Variants in SYN3 observed in about 807,000 individuals in gnomAD.
SYN3 encodes the protein synapsin-3.
Under a neutral mutation model 65.8 loss-of-function variants are expected in SYN3, and 35 were observed. The observed-to-expected ratio is 0.53, with a 90% CI of 0.41 to 0.70. The LOEUF (loss-of-function observed/expected upper bound fraction) is 0.70. Among genes scored for constraint, SYN3 ranks in the 30% least tolerant of loss-of-function variants. SYN3 has a pLI of 0.00. For missense variants in SYN3, 680 were observed against 749.0 expected (o/e 0.91, Z 1.08); for synonymous variants, 270 against 292.9 (o/e 0.92, Z 0.80).
At chr22:32,777,961 TCA>T (rs983201554) in intron 6 of SYN3, among the ~76,000 whole-genome samples, 1 of 152,158 alleles carries the variant, frequency 6.6e-6, no homozygotes, top group African/African-American at 2.4e-5. Flanking sequence ...ATCCTGCGTC[TCA>T]GAGGTATGTG....
rs1190319833 is a variant in SYN3 at position 32,615,432 on chromosome 22, T to TAAAAA, written c.712-18701_712-18697dup. On this transcript the variant is annotated intron_variant, in intron 6 of 13. Coordinates refer to ENST00000358763, the MANE Select transcript of SYN3 (RefSeq NM_003490.4). ...CTGGGCGTCAGAGCAAGACTTCATC[T>TAAAAA]AAAAAAAAAAAAAAAAAAAGAAAAA... Among the ~76,000 whole-genome samples, 32 of 74,398 alleles carry TAAAAA rather than the reference T, an allele frequency of 4.3e-4. 4 individuals carry two copies. The highest frequency in any genetic ancestry group is 1.1e-3 in the East Asian group (3 of 2,812). 48.8% of individuals were successfully genotyped at this position (74,398 alleles called of 152,430 possible). A position where few individuals can be genotyped will look rare whatever the true frequency, so the allele number is the denominator to read the frequency against.
chr22:32,986,396 G>A (rs1007883277), intron 2 of SYN3, among the ~76,000 whole-genome samples: 21 of 152,294 alleles, frequency 1.4e-4, no homozygotes, highest in African/African-American at 4.6e-4. Flanking sequence ...CTTCCCAGGA[G>A]AAACATTTGT....
chr22:32,815,894 TTCTGTGG>T (rs2047077241), intron 6 of SYN3, among the ~76,000 whole-genome samples: 1 of 152,188 alleles, frequency 6.6e-6, no homozygotes, highest in Admixed American at 6.5e-5. Context: ...GGTGTGTCTG[TTCTGTGG>T]TCTGTGGTCT....
At chr22:32,693,325 C>T (rs1038387344) in intron 6 of SYN3, among the ~76,000 whole-genome samples, 5 of 152,060 alleles carry the variant, frequency 3.3e-5, no homozygotes, top group Admixed American at 2.6e-4. Context: ...GTGTAGAGAG[C>T]GTGGGTACAG....
At chr22:32,715,192 A>G (rs1340872471) in intron 6 of SYN3, among the ~76,000 whole-genome samples, 6 of 152,246 alleles carry the variant, frequency 3.9e-5, no homozygotes, top group African/African-American at 7.2e-5. Context: ...AATAAATACT[A>G]TCACCCTGGC....
intron 3 of SYN3, among the ~76,000 whole-genome samples, chr22:32,934,027 G>A (rs2050708000): frequency 1.3e-5 from 2 of 152,264 alleles, no homozygotes; most frequent in East Asian, 1.9e-4. Flanking sequence ...GTGGCAAGGC[G>A]AAAAGATCAC....
intron 4 of SYN3, among the ~76,000 whole-genome samples, chr22:32,918,267 G>C: frequency 6.6e-6 from 1 of 152,214 alleles, no homozygotes; most frequent in African/African-American, 2.4e-5. Flanking sequence ...GTTCAGTCCA[G>C]GGGGAGACGG....
intron 6 of SYN3, among the ~76,000 whole-genome samples, chr22:32,661,261 C>T (rs1361122300): frequency 1.3e-5 from 2 of 152,260 alleles, no homozygotes; most frequent in African/African-American, 4.8e-5. Context: ...CTGCCTAGCA[C>T]CTCCACCTTC....
At chr22:32,943,424 C>A (rs1434432695) in intron 3 of SYN3, among the ~76,000 whole-genome samples, 1 of 152,094 alleles carries the variant, frequency 6.6e-6, no homozygotes, top group Non-Finnish European at 1.5e-5. Context: ...TCAGGCCTGC[C>A]CTACAAGAGC....
rs1245045802 is a variant in SYN3 at position 32,518,145 on chromosome 22, C to T, written c.1508G>A (p.Gly503Asp). 2 of 1,610,582 alleles carry T rather than the reference C, an allele frequency of 1.2e-6. No homozygotes were observed. Among genetic ancestry groups the T allele is most frequent in the African/African-American group, 1.3e-5 (1 of 74,968 alleles). ...CCGGGGCTGTGAGGCGAGGGTGGCA[C>T]CTGGCTTGGAGGCCTGGTTTGGGGA... ...GSSPNQASKP[G>D]ATLASQPRPP... is the part of the protein sequence containing the mutation. Residue 503 changes from glycine (G) to aspartate (D), a missense_variant, in exon 13 of 14, where the codon GGT (glycine) becomes GAT (aspartate). Physicochemically the swap from Gly to Asp is moderately conservative, Grantham distance 94. Transcript: ENST00000358763.
intron 2 of SYN3, among the ~76,000 whole-genome samples, chr22:32,984,605 G>C (rs546201662): frequency 1.3e-5 from 2 of 152,210 alleles, no homozygotes; most frequent in African/African-American, 4.8e-5. Flanking sequence ...TGGCCTAAGA[G>C]TGCAATTTGT....
chr22:32,686,956 T>C (rs1324178612), intron 6 of SYN3, among the ~76,000 whole-genome samples: 3 of 151,932 alleles, frequency 2.0e-5, no homozygotes, highest in Non-Finnish European at 2.9e-5. Flanking sequence ...CAACTAAATA[T>C]CAGCAGAGCT....
At chr22:32,933,730 G>A (rs908500971) in intron 3 of SYN3, among the ~76,000 whole-genome samples, 3 of 152,096 alleles carry the variant, frequency 2.0e-5, no homozygotes, top group Admixed American at 6.5e-5. Context: ...GAGCCACCAC[G>A]CTCAGCTGGC....
Position 32,772,134 on chromosome 22 carries a change from G to T in SYN3, c.711+92781C>A, listed in dbSNP as rs571848677. Among the ~76,000 whole-genome samples the T allele has an allele frequency of 1.5e-4, 23 of 152,288 alleles. 1 individual carries two copies. In the South Asian group the frequency reaches 4.1e-3, roughly 27 times the overall value. On this transcript the variant is annotated intron_variant, in intron 6 of 13. Transcript: ENST00000358763. ...ATTGGAAAATAGACCTTTTCTGCTA[G>T]AAACTTCCCTCATTCTTTCTGTCCC...
intron 4 of SYN3, among the ~76,000 whole-genome samples, chr22:32,930,187 C>T (rs2050587629): frequency 6.6e-6 from 1 of 152,126 alleles, no homozygotes; most frequent in African/African-American, 2.4e-5. Context: ...TTGTAGCTCC[C>T]ACAATTCCCA....
intron 6 of SYN3, among the ~76,000 whole-genome samples, chr22:32,789,844 A>G (rs2046279281): frequency 6.6e-6 from 1 of 152,206 alleles, no homozygotes; most frequent in South Asian, 2.1e-4. Context: ...ACTTCAAGTT[A>G]GGTCATCTCT....
chr22:32,890,628 C>T (rs1346208480), intron 4 of SYN3, among the ~76,000 whole-genome samples: 2 of 152,246 alleles, frequency 1.3e-5, no homozygotes, highest in East Asian at 1.9e-4. Flanking sequence ...GATCTGCCCG[C>T]CTCGGCCTCC....
rs1322296024 is a variant in SYN3 at position 32,868,997 on chromosome 22, G to C, written c.590C>G (p.Ser197Cys). 1.4e-5 allele frequency: 23 copies of C among 1,614,058 alleles called. No individual in the cohort carries two copies. The highest frequency in any genetic ancestry group is 1.9e-5 in the Non-Finnish European group (23 of 1,179,990). ...GGGCTTGCTGCAGAAGTTGTAGACG[G>C]AGTAGAGAGAGTTGACAGCAGGCAG... ...GGLPAVNSLY[S>C]VYNFCSKPWV... Residue 197 changes from serine to cysteine, a missense_variant, in exon 5 of 14, where the codon TCC (serine) becomes TGC (cysteine). Ser to Cys is a moderately radical substitution (Grantham distance 112). Coordinates refer to ENST00000358763, the MANE Select transcript of SYN3 (RefSeq NM_003490.4).
At chr22:32,924,871 C>T (rs531648059) in intron 4 of SYN3, among the ~76,000 whole-genome samples, 4 of 152,204 alleles carry the variant, frequency 2.6e-5, no homozygotes, top group African/African-American at 9.6e-5. Flanking sequence ...GTGGGAGGAT[C>T]GCTTGAGCTC....
Sources: allele counts gnomAD v4.1 joint callset (sites outside exome capture counted in the v4.1 genomes callset), GRCh38; gene constraint gnomAD v4.1.1; transcripts MANE v1.5; gene names NCBI Gene and HGNC (gene_info 2026-07-23, HGNC 2026-07-21).